TBXAS1: variants seen among roughly 807,000 people sequenced by gnomAD.
The protein encoded by TBXAS1 is thromboxane-A synthase.
Under a neutral mutation model 60.7 loss-of-function variants are expected in TBXAS1, and 48 were observed. That is an observed-to-expected ratio of 0.79 (90% CI 0.63 to 1.01). The LOEUF (loss-of-function observed/expected upper bound fraction) is 1.01. TBXAS1 is among the 50% of genes least tolerant of loss of function. The probability of loss-of-function intolerance (pLI) is 0.00; values close to 1 mark genes in which losing one functional copy is unlikely to be tolerated. For synonymous variants in TBXAS1, 287 were observed against 269.7 expected, an observed-to-expected ratio of 1.06 and a Z score of -0.63; for missense variants, 685 against 686.3, an observed-to-expected ratio of 1.00 and a Z score of 0.02.
intron 1 of TBXAS1, among the ~76,000 whole-genome samples, chr7:139,853,008 C>T (rs1042461057): frequency 2.7e-5 from 4 of 150,210 alleles, no homozygotes; most frequent in Non-Finnish European, 5.9e-5. Flanking sequence ...AAAGAAGCAA[C>T]CTGTCTGCTC....
rs201367548 is a variant in TBXAS1 at position 139,881,239 on chromosome 7, T to G, written c.236+5602T>G. On this transcript the variant is annotated intron_variant, in intron 3 of 12. Transcript: ENST00000448866. ...TCTTTGACTTTGCTTATCATATATT[T>G]CTTCCAATCAGAAAACATTTGTTTT... Among the ~76,000 whole-genome samples, 20 of 152,352 alleles carry G rather than the reference T, an allele frequency of 1.3e-4. No individual in the cohort carries two copies. In the East Asian group the frequency reaches 3.9e-3, roughly 29 times the overall value.
intron 1 of TBXAS1, among the ~76,000 whole-genome samples, chr7:139,836,567 G>A (rs1799082140): frequency 6.6e-6 from 1 of 152,106 alleles, no homozygotes; most frequent in Non-Finnish European, 1.5e-5. Flanking sequence ...AGTGAGGAAA[G>A]GACACCTTTA....
chr7:139,798,224 G>A (rs1797620678), intron 4 of TBXAS1, among the ~76,000 whole-genome samples: 1 of 152,144 alleles, frequency 6.6e-6, no homozygotes, highest in Non-Finnish European at 1.5e-5. Flanking sequence ...ACGCCAGCCA[G>A]AAGGAAAAGA....
In TBXAS1 at chr7:140,020,251, A is replaced by G; in HGVS notation, c.*152A>G. 2.5e-6 allele frequency: 2 copies of G among 787,572 alleles called. No homozygotes were observed. Among genetic ancestry groups the G allele is most frequent in the Non-Finnish European group, 4.3e-6 (2 of 461,802 alleles). The allele number at this position is 787,572 out of a possible 1,614,324, so 48.8% of individuals were successfully genotyped here. On this transcript the variant is annotated 3_prime_UTR_variant, in exon 13 of 13. Coordinates refer to ENST00000448866, the MANE Select transcript of TBXAS1 (RefSeq NM_001061.7). ...AGGTTCTTTACATAACATTTCCTAA[A>G]TGCTTAATAAACGTTTGTTGCACTT... is the stretch of plus-strand genomic sequence containing the variant.
intron 3 of TBXAS1, among the ~76,000 whole-genome samples, chr7:139,785,313 G>A (rs1797154868): frequency 6.6e-6 from 1 of 151,948 alleles, no homozygotes; most frequent in Admixed American, 6.6e-5. Flanking sequence ...AATTGACATA[G>A]TCTCATTAGC....
At chr7:139,871,715 C>T (rs895820183) in intron 1 of TBXAS1, among the ~76,000 whole-genome samples, 8 of 152,162 alleles carry the variant, frequency 5.3e-5, no homozygotes, top group African/African-American at 1.4e-4. Flanking sequence ...GCCTTCCCTC[C>T]GTTCCTATTT....
intron 9 of TBXAS1, among the ~76,000 whole-genome samples, chr7:139,965,061 C>T (rs1810674946): frequency 6.6e-6 from 1 of 152,126 alleles, no homozygotes; most frequent in South Asian, 2.1e-4. Flanking sequence ...TCTACTAAAA[C>T]TACAAAATTA....
intron 4 of TBXAS1, among the ~76,000 whole-genome samples, chr7:139,810,089 T>A (rs1453553264): frequency 6.6e-6 from 1 of 151,756 alleles, no homozygotes; most frequent in African/African-American, 2.4e-5. Context: ...CAGGCTGGAG[T>A]ACAGTGGTGT....
intron 9 of TBXAS1, among the ~76,000 whole-genome samples, chr7:139,980,722 C>G (rs1811900908): frequency 6.6e-6 from 1 of 151,698 alleles, no homozygotes; most frequent in Non-Finnish European, 1.5e-5. Context: ...CTGCACAGGC[C>G]TCACCTGCCT....
At chr7:139,939,370 C>CAA (rs61551753) in intron 5 of TBXAS1, among the ~76,000 whole-genome samples, 1,376 of 48,844 alleles carry the variant, frequency 0.028, 157 homozygotes, top group African/African-American at 0.1. Context: ...GACTCCATCT[C>CAA]AAAAAAAAAA....
intron 5 of TBXAS1, among the ~76,000 whole-genome samples, chr7:139,943,890 G>A (rs1047840982): frequency 6.6e-6 from 1 of 152,050 alleles, no homozygotes; most frequent in Non-Finnish European, 1.5e-5. Flanking sequence ...AAAAAACCCA[G>A]AAATACGTTT....
chr7:139,909,841 G>A (rs553754386), intron 3 of TBXAS1, among the ~76,000 whole-genome samples: 20 of 152,158 alleles, frequency 1.3e-4, no homozygotes, highest in African/African-American at 4.6e-4. Flanking sequence ...TTCATACACC[G>A]AAAACATGTC....
At chr7:139,973,580 T>C (rs1381574583) in intron 9 of TBXAS1, among the ~76,000 whole-genome samples, 1 of 151,814 alleles carries the variant, frequency 6.6e-6, no homozygotes, top group Non-Finnish European at 1.5e-5. Context: ...TTAGGTTGTA[T>C]TTTATAACTG....
intron 9 of TBXAS1, among the ~76,000 whole-genome samples, chr7:140,005,162 C>T (rs1000818383): frequency 6.6e-6 from 1 of 152,242 alleles, no homozygotes; most frequent in Non-Finnish European, 1.5e-5. Context: ...GGTGCAGTGG[C>T]TCACGCCTGT....
chr7:139,979,243 C>G (rs1022642034), intron 9 of TBXAS1, among the ~76,000 whole-genome samples: 1 of 152,194 alleles, frequency 6.6e-6, no homozygotes, highest in African/African-American at 2.4e-5. Flanking sequence ...TTTCTCCTCT[C>G]TAGGGTGTCC....
rs57545948 is a variant in TBXAS1, at chr7:139,852,935, T to TACAC, written c.90-19248_90-19245dup. On this transcript the variant is annotated intron_variant, in intron 1 of 12. Coordinates refer to ENST00000448866, the MANE Select transcript of TBXAS1 (RefSeq NM_001061.7). The surrounding 1 kb of genome is among the most constrained non-coding windows in gnomAD (Gnocchi z 4.4). ...TGTGTACCAACCTTGGCTACTCCAA[T>TACAC]ACACACACACACACACACACACACA... Among the ~76,000 whole-genome samples the TACAC allele has an allele frequency of 0.012, 1,481 of 127,452 alleles. 15 individuals carry two copies. The highest frequency in any genetic ancestry group is 0.017 in the Non-Finnish European group (1,018 of 58,966). 83.6% of individuals were successfully genotyped at this position (127,452 alleles called of 152,430 possible). A position where few individuals can be genotyped will look rare whatever the true frequency, so the allele number is the denominator to read the frequency against.
At chr7:139,952,007 A>G (rs1809441551) in intron 5 of TBXAS1, among the ~76,000 whole-genome samples, 2 of 149,140 alleles carry the variant, frequency 1.3e-5, no homozygotes, top group African/African-American at 4.9e-5. Flanking sequence ...AGAAAGAAAG[A>G]AAGAAAAAGA....
chr7:139,974,958 C>G (rs1229124825), intron 9 of TBXAS1, among the ~76,000 whole-genome samples: 3 of 152,180 alleles, frequency 2.0e-5, no homozygotes, highest in African/African-American at 7.2e-5. Flanking sequence ...ACTAATAGGA[C>G]AGAGACAGAA....
intron 4 of TBXAS1, among the ~76,000 whole-genome samples, chr7:139,933,976 C>A (rs544590929): frequency 1.3e-5 from 2 of 152,234 alleles, no homozygotes; most frequent in Admixed American, 6.5e-5. Flanking sequence ...GATGAGGAGA[C>A]CAAAGTCCTC....
Sources: gnomAD v4.1 joint callset for allele counts (sites outside exome capture counted in the v4.1 genomes callset) on GRCh38, gnomAD v4.1.1 for gene constraint, Gnocchi (gnomAD v3.1) non-coding constraint, MANE v1.5 for transcripts, NCBI Gene and HGNC (gene_info 2026-07-23, HGNC 2026-07-21) for gene names.